The following PRKN variants were observed in gnomAD, a reference collection of about 807,000 sequenced individuals.
The protein encoded by PRKN is parkin RBR E3 ubiquitin protein ligase, also known as E3 ubiquitin-protein ligase parkin.
In PRKN, 56 loss-of-function variants were observed where a neutral mutation model predicts 59.5. That is an observed-to-expected ratio of 0.94 (90% CI 0.76 to 1.18). The LOEUF (loss-of-function observed/expected upper bound fraction) is 1.18, where lower values mean the gene tolerates loss of function less well. Among genes scored for constraint, PRKN ranks in the 50% most tolerant of loss-of-function variants. The probability of loss-of-function intolerance (pLI) is 0.00; values close to 1 mark genes in which losing one functional copy is unlikely to be tolerated. For synonymous variants in PRKN, 250 were observed against 222.1 expected (o/e 1.13, Z -1.12); for missense variants, 657 against 596.4 (o/e 1.10, Z -1.06).
chr6:161,782,926 A>G (rs1045291092), intron 7 of PRKN, among the ~76,000 whole-genome samples: 1 of 152,142 alleles, frequency 6.6e-6, no homozygotes, highest in Non-Finnish European at 1.5e-5. Flanking sequence ...AAAAATTTAA[A>G]AAAAAGCAAT....
In PRKN at chr6:161,729,990, C is replaced by T. The variant is rs1203909866; in HGVS notation, c.871+55782G>A. On this transcript the variant is annotated intron_variant, in intron 7 of 11. Transcript: ENST00000366898. ...GTGTTGCATTCTTGCTGATGTGTTG[C>T]ATTCTGATATGTTGCATTCTTTCTG... Among the ~76,000 whole-genome samples the T allele has an allele frequency of 2.6e-5, 4 of 151,534 alleles. No homozygotes were observed. In the East Asian group the frequency reaches 7.8e-4, roughly 29 times the overall value.
chr6:162,653,129 G>A (rs576090450), intron 1 of PRKN, among the ~76,000 whole-genome samples: 24 of 152,278 alleles, frequency 1.6e-4, no homozygotes, highest in Non-Finnish European at 3.4e-4. Flanking sequence ...AATTCTAACT[G>A]AGTTTAAAAG....
chr6:161,996,417 A>G (rs555902028), intron 5 of PRKN, among the ~76,000 whole-genome samples: 26 of 152,138 alleles, frequency 1.7e-4, no homozygotes, highest in Non-Finnish European at 3.5e-4. Context: ...GTATCTACAT[A>G]CTTTACTTTA....
chr6:162,163,527 A>T (rs1583133236), intron 4 of PRKN, among the ~76,000 whole-genome samples: 1 of 149,488 alleles, frequency 6.7e-6, no homozygotes, highest in East Asian at 1.9e-4. Context: ...CAGGGGAAAA[A>T]CAGGTAATGC....
At chr6:161,640,521 G>T (rs6455746) in intron 7 of PRKN, among the ~76,000 whole-genome samples, 2 of 151,904 alleles carry the variant, frequency 1.3e-5, no homozygotes, top group African/African-American at 2.4e-5. Flanking sequence ...AACGAGATAT[G>T]GAATACAAAA....
chr6:161,918,348 A>G (rs1487647646), intron 6 of PRKN, among the ~76,000 whole-genome samples: 1 of 152,204 alleles, frequency 6.6e-6, no homozygotes, highest in East Asian at 1.9e-4. Context: ...TTTGTTAAAG[A>G]GTTATTGTCT....
chr6:162,403,089 C>T (rs1787879084), intron 2 of PRKN, among the ~76,000 whole-genome samples: 1 of 152,152 alleles, frequency 6.6e-6, no homozygotes, highest in Admixed American at 6.5e-5. Context: ...ATCTTTTCCG[C>T]CTTGCTTTGT....
chr6:162,001,265 C>T (rs766162252), intron 5 of PRKN, among the ~76,000 whole-genome samples: 8 of 152,030 alleles, frequency 5.3e-5, no homozygotes, highest in Non-Finnish European at 8.8e-5. Flanking sequence ...TTGAGTCCTC[C>T]TATCCATGAA....
At position 162,479,748 on chromosome 6, in the gene PRKN, C is replaced by T. The variant is rs6929262; in HGVS notation, c.8-36275G>A. Among the ~76,000 whole-genome samples, 1,127 of 124,032 alleles carry T rather than the reference C, an allele frequency of 9.1e-3. 15 individuals carry two copies. Among genetic ancestry groups the T allele is most frequent in the African/African-American group, 0.03 (1,085 of 35,584 alleles). 81.4% of individuals were successfully genotyped at this position (124,032 alleles called of 152,430 possible). On this transcript the variant is annotated intron_variant, in intron 1 of 11. Transcript: ENST00000366898. ...GAAGGACCTGCCTGAGGCTGTTTTACAGTTATCTGTTTTTTTTTCTCAAAA... is the reference window on the plus strand; with the variant it reads ...GAAGGACCTGCCTGAGGCTGTTTTATAGTTATCTGTTTTTTTTTCTCAAAA...
intron 3 of PRKN, among the ~76,000 whole-genome samples, chr6:162,228,810 T>A (rs992779771): frequency 2.6e-5 from 4 of 152,190 alleles, no homozygotes; most frequent in Non-Finnish European, 5.9e-5. Flanking sequence ...AGAGCTCCAA[T>A]CTTGCACTGT....
At chr6:162,474,503 T>G (rs1346698798) in intron 1 of PRKN, among the ~76,000 whole-genome samples, 1 of 152,190 alleles carries the variant, frequency 6.6e-6, no homozygotes, top group Non-Finnish European at 1.5e-5. Flanking sequence ...AAATTTATGG[T>G]TTCCCAGGAA....
intron 2 of PRKN, among the ~76,000 whole-genome samples, chr6:162,435,433 G>T (rs1352926810): frequency 6.6e-6 from 1 of 152,018 alleles, no homozygotes; most frequent in African/African-American, 2.4e-5. Context: ...AAATGTCAAG[G>T]CTTCCTTTCA....
intron 1 of PRKN, among the ~76,000 whole-genome samples, chr6:162,521,883 G>T (rs907763246): frequency 6.6e-6 from 1 of 152,098 alleles, no homozygotes; most frequent in Non-Finnish European, 1.5e-5. Context: ...AAGTAAGCAT[G>T]AATAGAATTT....
chr6:161,879,853 A>AC (rs1300891234), intron 6 of PRKN, among the ~76,000 whole-genome samples: 3 of 152,208 alleles, frequency 2.0e-5, no homozygotes, highest in Admixed American at 6.5e-5. Context: ...AGTGTATTTT[A>AC]AAGCTTTTCT....
chr6:161,607,122 T>C (rs1782313241), intron 7 of PRKN, among the ~76,000 whole-genome samples: 1 of 152,184 alleles, frequency 6.6e-6, no homozygotes, highest in African/African-American at 2.4e-5. Context: ...TATTGTAGAC[T>C]TTCTATCTGC....
At chr6:162,399,897 T>C (rs1787675337) in intron 2 of PRKN, among the ~76,000 whole-genome samples, 1 of 151,930 alleles carries the variant, frequency 6.6e-6, no homozygotes, top group Non-Finnish European at 1.5e-5. Flanking sequence ...GCCTGTATGA[T>C]TTGGAAAAAA....
At chr6:161,808,410 A>G (rs1791423868) in intron 6 of PRKN, among the ~76,000 whole-genome samples, 1 of 152,172 alleles carries the variant, frequency 6.6e-6, no homozygotes, top group African/African-American at 2.4e-5. Flanking sequence ...CTGAACACTA[A>G]AGTATTTATT....
intron 6 of PRKN, among the ~76,000 whole-genome samples, chr6:161,955,474 T>C (rs536706077): frequency 6.6e-6 from 1 of 152,258 alleles, no homozygotes; most frequent in Non-Finnish European, 1.5e-5. Flanking sequence ...TTCATAAAAA[T>C]TACATAATTG....
rs200430715 is a variant in PRKN, at chr6:162,056,143, CCACA to C, written c.535-1973_535-1970del. Among the ~76,000 whole-genome samples, 1 of 151,094 alleles carries C rather than the reference CCACA, an allele frequency of 6.6e-6. No individual in the cohort carries two copies. The highest frequency in any genetic ancestry group is 1.5e-5 in the Non-Finnish European group (1 of 67,716). On this transcript the variant is annotated intron_variant, in intron 4 of 11. Transcript: ENST00000366898. The surrounding 1 kb of genome is among the most constrained non-coding windows in gnomAD (Gnocchi z 4.9). ...ATGCATGCACGCACACCAAGACACACCACACACGCACGCACACCAAAACACACCA... is the reference window on the plus strand; with the variant it reads ...ATGCATGCACGCACACCAAGACACACCACGCACGCACACCAAAACACACCA...
Sources: gnomAD v4.1 joint callset for allele counts (sites outside exome capture counted in the v4.1 genomes callset) on GRCh38, gnomAD v4.1.1 for gene constraint, Gnocchi (gnomAD v3.1) non-coding constraint, MANE v1.5 for transcripts, NCBI Gene and HGNC (gene_info 2026-07-23, HGNC 2026-07-21) for gene names.